CNTFR: variants seen among roughly 807,000 people sequenced by gnomAD.
CNTFR encodes the protein ciliary neurotrophic factor receptor.
Under a neutral mutation model 40.4 loss-of-function variants are expected in CNTFR, and 12 were observed. That is an observed-to-expected ratio of 0.30 (90% confidence interval 0.19 to 0.48). CNTFR has a LOEUF of 0.48. Among genes scored for constraint, CNTFR ranks in the 20% least tolerant of loss-of-function variants. The pLI is 0.99. For missense variants in CNTFR, 414 were observed against 506.8 expected, an observed-to-expected ratio of 0.82 and a Z score of 1.76; for synonymous variants, 202 against 209.6, an observed-to-expected ratio of 0.96 and a Z score of 0.31.
chr9:34,552,941 A>C lies in CNTFR; in HGVS notation c.769-87T>G. ...TCCAGAGGAAGTGAGCATGCCTCTG[A>C]GGAGAGGAGAGTAAAGGGCTCTGGG... On this transcript the variant is annotated intron_variant, in intron 7 of 9. Coordinates refer to ENST00000378980, the MANE Select transcript of CNTFR (RefSeq NM_147164.3). This position sits in a 1 kb window ranked among gnomAD's most constrained non-coding sequence, Gnocchi z 5.1. 7.6e-7 allele frequency: 1 copy of C among 1,318,936 alleles called. No homozygotes were observed. The highest frequency in any genetic ancestry group is 1.1e-6 in the Non-Finnish European group (1 of 947,256). 81.7% of individuals were successfully genotyped at this position (1,318,936 alleles called of 1,614,324 possible). A position where few individuals can be genotyped will look rare whatever the true frequency, so the allele number is the denominator to read the frequency against.
intron 1 of CNTFR, among the ~76,000 whole-genome samples, chr9:34,584,829 C>A (rs1038857012): frequency 1.3e-5 from 2 of 152,208 alleles, no homozygotes; most frequent in Non-Finnish European, 2.9e-5. Context: ...CTGCCCCAGC[C>A]TCCTCTGGTC....
rs1169124794 is a variant in CNTFR at position 34,589,697 on chromosome 9, C to G, written c.-254G>C. On this transcript the variant is annotated 5_prime_UTR_variant, in exon 1 of 10. Coordinates refer to ENST00000378980, the MANE Select transcript of CNTFR (RefSeq NM_147164.3). The surrounding 1 kb of genome is among the most constrained non-coding windows in gnomAD (Gnocchi z 4.4). ...GCGCCGGCTGGAGCCGCCGCCTCCG[C>G]TGCCGCCGCCGCCGCCGCCCGCTCT... 6 of 157,198 alleles carry G rather than the reference C, an allele frequency of 3.8e-5. No individual in the cohort carries two copies. The East Asian group carries it at 7.5e-4, about 20-fold the overall frequency. The allele number at this position is 157,198 out of a possible 1,614,324, so 9.7% of individuals were successfully genotyped here. A position where few individuals can be genotyped will look rare whatever the true frequency, so the allele number is the denominator to read the frequency against.
Position 34,564,687 on chromosome 9 carries a change from A to G in CNTFR, c.231T>C (p.His77=). Residue 77 remains histidine (H), a synonymous_variant, in exon 4 of 10, where the codon CAT becomes CAC. Transcript: ENST00000378980. Reference sequence around the variant, plus strand: ...GGCCACTGTGGCCCAGTTCCAGGCCATGGAGCACCAGCTGAGAGCCGTTGA... The same window carrying G: ...GGCCACTGTGGCCCAGTTCCAGGCCGTGGAGCACCAGCTGAGAGCCGTTGA... The part of the protein sequence containing the change: ...DLLNGSQLVL[H]GLELGHSGLY... 1 of 1,614,068 alleles carries G rather than the reference A, an allele frequency of 6.2e-7. No homozygotes were observed. The highest frequency in any genetic ancestry group is 8.5e-7 in the Non-Finnish European group (1 of 1,179,978).
rs143572442 is a variant in CNTFR, at chr9:34,552,220, G to A, written c.1059C>T (p.Ser353=). 35 of 1,574,340 alleles carry A rather than the reference G, an allele frequency of 2.2e-5. No individual in the cohort carries two copies. The South Asian group carries it at 3.7e-4, about 17-fold the overall frequency. Residue 353 remains serine, a synonymous_variant, in exon 9 of 10, where the codon AGC becomes AGT. Coordinates refer to ENST00000378980, the MANE Select transcript of CNTFR (RefSeq NM_147164.3). This position sits in a 1 kb window ranked among gnomAD's most constrained non-coding sequence, Gnocchi z 5.1. ...CAGCCAGGGCCAGAGTGATGGGGAC[G>A]CTGACCAAGAAGGGTGCCGAGGGTC... ...GGGPSAPFLV[S]VPITLALAAA...
At chr9:34,553,939 G>C (rs1380080524) in intron 7 of CNTFR, among the ~76,000 whole-genome samples, 1 of 152,098 alleles carries the variant, frequency 6.6e-6, no homozygotes, top group Non-Finnish European at 1.5e-5. Context: ...CTGGGGTCTG[G>C]GCTATCTGAC....
intron 1 of CNTFR, among the ~76,000 whole-genome samples, chr9:34,585,332 G>A (rs1429545626): frequency 6.6e-6 from 1 of 152,126 alleles, no homozygotes; most frequent in Admixed American, 6.5e-5. Flanking sequence ...GACTACCCTG[G>A]GGTCTGGAGA....
In CNTFR at chr9:34,551,934, G is replaced by T. The variant is rs976350649; in HGVS notation, c.*137C>A. The T allele has an allele frequency of 1.2e-5, 9 of 726,406 alleles. No homozygotes were observed. Among genetic ancestry groups the T allele is most frequent in the Admixed American group, 8.0e-5 (4 of 49,954 alleles). 45.0% of individuals were successfully genotyped at this position (726,406 alleles called of 1,614,324 possible). A position where few individuals can be genotyped will look rare whatever the true frequency, so the allele number is the denominator to read the frequency against. On this transcript the variant is annotated 3_prime_UTR_variant, in exon 10 of 10. Coordinates refer to ENST00000378980, the MANE Select transcript of CNTFR (RefSeq NM_147164.3). ...GGGCGGCAGGCCCGGGCCCGCCGGG[G>T]TCTCCACAAATTGTGTCTGAAGAGA...
In CNTFR at chr9:34,589,698, T is replaced by TGCCGCCGCC. The variant is rs1043887107; in HGVS notation, c.-264_-256dup. On this transcript the variant is annotated 5_prime_UTR_variant, in exon 1 of 10. Transcript: ENST00000378980. The surrounding 1 kb of genome is among the most constrained non-coding windows in gnomAD (Gnocchi z 4.4). ...CGCCGGCTGGAGCCGCCGCCTCCGCTGCCGCCGCCGCCGCCGCCCGCTCTG... is the reference window on the plus strand; with the variant it reads ...CGCCGGCTGGAGCCGCCGCCTCCGCTGCCGCCGCCGCCGCCGCCGCCGCCGCCCGCTCTG... 4.5e-5 allele frequency: 7 copies of TGCCGCCGCC among 156,676 alleles called. No individual in the cohort carries two copies. In the East Asian group the frequency reaches 7.5e-4, roughly 17 times the overall value. The allele number at this position is 156,676 out of a possible 1,614,324, so 9.7% of individuals were successfully genotyped here. A position where few individuals can be genotyped will look rare whatever the true frequency, so the allele number is the denominator to read the frequency against.
intron 1 of CNTFR, among the ~76,000 whole-genome samples, chr9:34,586,110 A>G (rs1827532684): frequency 6.6e-6 from 1 of 152,170 alleles, no homozygotes; most frequent in African/African-American, 2.4e-5. Flanking sequence ...TATCTCAGGC[A>G]GCCCCACCCA....
In CNTFR at chr9:34,557,950, G is replaced by A; in HGVS notation, c.354C>T (p.Ser118=). The A allele has an allele frequency of 6.4e-7, 1 of 1,563,490 alleles. No homozygotes were observed. The highest frequency in any genetic ancestry group is 8.7e-7 in the Non-Finnish European group (1 of 1,155,164). The change falls in exon 5 of 10, where the codon TCC becomes TCT. Residue 118 remains serine (S), a synonymous_variant. Transcript: ENST00000378980. The surrounding 1 kb of genome is among the most constrained non-coding windows in gnomAD (Gnocchi z 4.2). ...PPREPVLSCR[S]NTYPKGFYCS... The stretch of plus-strand genomic sequence containing the variant: ...AGTAGAAGCCCTTGGGGTAAGTGTT[G>A]GAGCGGCAGCTGAGCACAGGCTCCC...
At chr9:34,581,566 C>T (rs564829395) in intron 1 of CNTFR, among the ~76,000 whole-genome samples, 4 of 152,338 alleles carry the variant, frequency 2.6e-5, no homozygotes, top group South Asian at 2.1e-4. Context: ...GTCACAGGCA[C>T]GGTGTAAATA....
intron 2 of CNTFR, among the ~76,000 whole-genome samples, chr9:34,574,801 G>A (rs1051185106): frequency 2.0e-5 from 3 of 152,234 alleles, no homozygotes; most frequent in African/African-American, 4.8e-5. Context: ...CTCTTGCACC[G>A]TGGGGACCCT....
At chr9:34,571,146 A>G (rs940603432) in intron 2 of CNTFR, among the ~76,000 whole-genome samples, 5 of 152,158 alleles carry the variant, frequency 3.3e-5, no homozygotes, top group African/African-American at 1.2e-4. Flanking sequence ...GGAGGTTAAG[A>G]CAATGGCCAA....
intron 4 of CNTFR, among the ~76,000 whole-genome samples, chr9:34,561,782 T>G (rs533433987): frequency 6.6e-5 from 10 of 152,338 alleles, no homozygotes; most frequent in African/African-American, 2.4e-4. Flanking sequence ...AAAGCCAGTC[T>G]CTTGTTACTA....
rs1261592787 is a variant in CNTFR at position 34,589,390 on chromosome 9, G to A, written c.-112+165C>T. Among the ~76,000 whole-genome samples the A allele has an allele frequency of 7.3e-5, 11 of 150,648 alleles. No homozygotes were observed. The highest frequency in any genetic ancestry group is 2.2e-4 in the African/African-American group (9 of 40,872). The stretch of plus-strand genomic sequence containing the variant: ...GGGGGGCCGCTCCTCCAGCGCCCCC[G>A]CCCCCGAGTTTGCAGGCAAAGTTTC... On this transcript the variant is annotated intron_variant, in intron 1 of 9. Coordinates refer to ENST00000378980, the MANE Select transcript of CNTFR (RefSeq NM_147164.3). The surrounding 1 kb of genome is among the most constrained non-coding windows in gnomAD (Gnocchi z 4.4).
chr9:34,568,814 A>T, intron 3 of CNTFR, 83 bp downstream of exon 3: 1 of 1,220,194 alleles, frequency 8.2e-7, no homozygotes, highest in Non-Finnish European at 1.2e-6. Flanking sequence ...ACTCTTGGGT[A>T]GTGTCAGGAT....
chr9:34,567,378 C>T (rs970155938), intron 3 of CNTFR, among the ~76,000 whole-genome samples: 6 of 152,136 alleles, frequency 3.9e-5, no homozygotes, highest in Non-Finnish European at 5.9e-5. Context: ...ACAGTCCCCC[C>T]GGGCATCCCA....
At chr9:34,554,338 GAAC>G (rs1287380183) in intron 7 of CNTFR, among the ~76,000 whole-genome samples, 1 of 152,158 alleles carries the variant, frequency 6.6e-6, no homozygotes, top group Non-Finnish European at 1.5e-5. Flanking sequence ...GAGCCACGGG[GAAC>G]AGATCAAATT....
chr9:34,567,654 C>T (rs972805623), intron 3 of CNTFR, among the ~76,000 whole-genome samples: 1 of 152,134 alleles, frequency 6.6e-6, no homozygotes, highest in African/African-American at 2.4e-5. Context: ...AACAGAGAGA[C>T]ACAATTACAT....
Sources: allele counts gnomAD v4.1 joint callset (sites outside exome capture counted in the v4.1 genomes callset), GRCh38; gene constraint gnomAD v4.1.1; non-coding constraint Gnocchi (gnomAD v3.1); transcripts MANE v1.5; gene names NCBI Gene and HGNC (gene_info 2026-07-23, HGNC 2026-07-21).